GPT2: variants seen among roughly 807,000 people sequenced by gnomAD.
GPT2 encodes alanine aminotransferase 2.
A neutral mutation model predicts 56.9 loss-of-function variants in GPT2; 30 were observed. The observed-to-expected ratio is 0.53, with a 90% CI of 0.39 to 0.72. The LOEUF (loss-of-function observed/expected upper bound fraction) is 0.72, where lower values mean the gene tolerates loss of function less well. Among genes scored for constraint, GPT2 ranks in the 30% least tolerant of loss-of-function variants. GPT2 has a pLI of 0.00. For missense variants in GPT2, 542 were observed against 703.4 expected, an observed-to-expected ratio of 0.77 and a Z score of 2.60; for synonymous variants, 271 against 283.1, an observed-to-expected ratio of 0.96 and a Z score of 0.43.
At chr16:46,897,826 G>A in intron 3 of GPT2, 89 bp downstream of exon 3, 1 of 1,097,300 alleles carries the variant, frequency 9.1e-7, no homozygotes, top group Non-Finnish European at 1.4e-6. Context: ...CCCCCTCGAT[G>A]TCCAGGCCCT....
chr16:46,924,248 A>C (rs539345983), intron 9 of GPT2, 141 bp from the exon 10 acceptor site: 11 of 889,372 alleles, frequency 1.2e-5, no homozygotes, highest in Non-Finnish European at 2.0e-5. Context: ...GAGTCAACGC[A>C]TGGGTCAGAG....
At chr16:46,898,161 G>C (rs1315129321) in intron 3 of GPT2, among the ~76,000 whole-genome samples, 4 of 152,234 alleles carry the variant, frequency 2.6e-5, no homozygotes, top group Non-Finnish European at 4.4e-5. Context: ...CTGCGTACCA[G>C]TTGGGTGGCT....
chr16:46,920,888 T>C (rs948959682), intron 8 of GPT2, among the ~76,000 whole-genome samples: 1 of 152,234 alleles, frequency 6.6e-6, no homozygotes, highest in Non-Finnish European at 1.5e-5. Context: ...ATCTCAGTTA[T>C]TGATTACACT....
At chr16:46,894,685 A>G (rs1960649073) in intron 2 of GPT2, among the ~76,000 whole-genome samples, 1 of 147,630 alleles carries the variant, frequency 6.8e-6, no homozygotes, top group Non-Finnish European at 1.5e-5. Context: ...TTTTTTTTTG[A>G]GACGGAGTCT....
intron 3 of GPT2, among the ~76,000 whole-genome samples, chr16:46,898,413 G>GTGGGATTA (rs1960726899): frequency 6.6e-6 from 1 of 152,232 alleles, no homozygotes; most frequent in Non-Finnish European, 1.5e-5. Context: ...GGCCGGGATT[G>GTGGGATTA]TGGGATTATG....
At chr16:46,901,024 C>T (rs1273575268) in intron 4 of GPT2, among the ~76,000 whole-genome samples, 2 of 152,106 alleles carry the variant, frequency 1.3e-5, no homozygotes, top group South Asian at 2.1e-4. Context: ...TGCATCATGC[C>T]GGGTGTGGGT....
At chr16:46,888,709 G>A (rs1960530092) in intron 2 of GPT2, among the ~76,000 whole-genome samples, 1 of 152,048 alleles carries the variant, frequency 6.6e-6, no homozygotes, top group African/African-American at 2.4e-5. Flanking sequence ...GAATGCAGTG[G>A]CACAATCATG....
At position 46,900,673 on chromosome 16, in the gene GPT2, T is replaced by C; in HGVS notation, c.334-9T>C. On this transcript the variant is annotated splice_polypyrimidine_tract_variant and intron_variant, in intron 3 of 11. Transcript: ENST00000340124. ...TGCTGGGAGCTCAGCCTGTGTCTTG[T>C]TCCCCCAGGTGATGGCACTATGCAC... is the stretch of plus-strand genomic sequence containing the variant. 6.2e-7 allele frequency: 1 copy of C among 1,607,798 alleles called. No individual in the cohort carries two copies. Among genetic ancestry groups the C allele is most frequent in the Non-Finnish European group, 8.5e-7 (1 of 1,174,606 alleles).
chr16:46,926,516 C>T (rs1194884215), intron 10 of GPT2, among the ~76,000 whole-genome samples: 1 of 152,096 alleles, frequency 6.6e-6, no homozygotes, highest in Non-Finnish European at 1.5e-5. Flanking sequence ...CCCGGGTGGT[C>T]ATGCAAACCA....
intron 2 of GPT2, among the ~76,000 whole-genome samples, chr16:46,888,081 G>A (rs1391866160): frequency 6.6e-6 from 1 of 152,194 alleles, no homozygotes; most frequent in African/African-American, 2.4e-5. Context: ...TTGCTTTATT[G>A]GGGGATGGGG....
rs368676352 is a variant in GPT2, at chr16:46,916,768, C to A, written c.900+61C>A. The stretch of plus-strand genomic sequence containing the variant: ...GCTTTCTCTTCTAGAGGGAGGGACC[C>A]AGCCCCCATTGTTCTGCAGCCAGAG... On this transcript the variant is annotated intron_variant, in intron 7 of 11. Transcript: ENST00000340124. The A allele has an allele frequency of 1.7e-6, 2 of 1,146,918 alleles. 1 individual carries two copies. Among genetic ancestry groups the A allele is most frequent in the Non-Finnish European group, 2.7e-6 (2 of 754,204 alleles). 71.0% of individuals were successfully genotyped at this position (1,146,918 alleles called of 1,614,324 possible).
At chr16:46,917,088 C>G (rs1286040005) in intron 7 of GPT2, among the ~76,000 whole-genome samples, 1 of 152,148 alleles carries the variant, frequency 6.6e-6, no homozygotes, top group Non-Finnish European at 1.5e-5. Context: ...TCTTTTCAGC[C>G]TAGAGATTCC....
intron 2 of GPT2, among the ~76,000 whole-genome samples, chr16:46,892,993 T>C (rs1567333109): frequency 6.6e-6 from 1 of 152,234 alleles, no homozygotes; most frequent in Non-Finnish European, 1.5e-5. Flanking sequence ...TTACAGCCTC[T>C]ATAGATTACA....
At chr16:46,900,270 C>T (rs1209692891) in intron 3 of GPT2, among the ~76,000 whole-genome samples, 2 of 151,894 alleles carry the variant, frequency 1.3e-5, no homozygotes, top group African/African-American at 4.8e-5. Context: ...GGGCCTAGGG[C>T]GTTGAGGGAG....
At chr16:46,902,728 C>T (rs1960842734) in intron 4 of GPT2, among the ~76,000 whole-genome samples, 3 of 152,084 alleles carry the variant, frequency 2.0e-5, no homozygotes, top group Non-Finnish European at 4.4e-5. Context: ...CGGGTTCAAG[C>T]GATTCTTCTG....
In GPT2 at chr16:46,907,709, A is replaced by G. The variant is rs529099951; in HGVS notation, c.576+734A>G. Reference sequence around the variant, plus strand: ...CAGGGCCTTAGAGGCCATGCTGAGGATTTGGGTCATTGTGCTAAGAACAAC... The same window carrying G: ...CAGGGCCTTAGAGGCCATGCTGAGGGTTTGGGTCATTGTGCTAAGAACAAC... On this transcript the variant is annotated intron_variant, in intron 5 of 11. Coordinates refer to ENST00000340124, the MANE Select transcript of GPT2 (RefSeq NM_133443.4). Among the ~76,000 whole-genome samples the G allele has an allele frequency of 5.9e-5, 9 of 152,316 alleles. No homozygotes were observed. The South Asian group carries it at 1.9e-3, about 32-fold the overall frequency.
At chr16:46,917,024 G>A (rs1961182376) in intron 7 of GPT2, among the ~76,000 whole-genome samples, 1 of 152,058 alleles carries the variant, frequency 6.6e-6, no homozygotes, top group Admixed American at 6.6e-5. Context: ...TTATCTTTCA[G>A]GTCCTCTTTC....
intron 4 of GPT2, among the ~76,000 whole-genome samples, chr16:46,903,538 C>A (rs1275041330): frequency 6.6e-6 from 1 of 152,138 alleles, no homozygotes; most frequent in East Asian, 1.9e-4. Context: ...AACTCCTGGG[C>A]TCAAGCAATC....
chr16:46,924,129 CTCT>C (rs1961350793), intron 9 of GPT2: 1 of 499,968 alleles, frequency 2.0e-6, no homozygotes, highest in Non-Finnish European at 3.7e-6. Flanking sequence ...CTCACACAAG[CTCT>C]TCTTTGGTCA....
Sources: gnomAD v4.1 joint callset for allele counts (sites outside exome capture counted in the v4.1 genomes callset) on GRCh38, gnomAD v4.1.1 for gene constraint, MANE v1.5 for transcripts, NCBI Gene and HGNC (gene_info 2026-07-23, HGNC 2026-07-21) for gene names.